The following GREB1 variants were observed in gnomAD, a reference collection of about 807,000 sequenced individuals.
GREB1 encodes protein GREB1.
A neutral mutation model predicts 200.7 loss-of-function variants in GREB1; 106 were observed. The observed-to-expected ratio is 0.53, with a 90% CI of 0.45 to 0.62. The LOEUF is 0.62. GREB1 is among the 20% of genes least tolerant of loss of function. The pLI, the probability that GREB1 is intolerant of heterozygous loss-of-function variation, is 0.00. For synonymous variants in GREB1, 1,132 were observed against 1,092.4 expected (o/e 1.04, Z -0.72); for missense variants, 2,243 against 2,556.8 (o/e 0.88, Z 2.65).
intron 23 of GREB1, 37 bp downstream of exon 23, chr2:11,621,044 C>A: frequency 9.2e-7 from 1 of 1,092,808 alleles, no homozygotes; most frequent in Non-Finnish European, 1.4e-6. Context: ...GGCTTGGAGC[C>A]ACCTTCATCA....
rs1245928004 is a variant in GREB1, at chr2:11,637,763, C to T, written c.5394C>T (p.Ala1798=). The T allele has an allele frequency of 2.5e-6, 4 of 1,613,850 alleles. No individual in the cohort carries two copies. Among genetic ancestry groups the T allele is most frequent in the Admixed American group, 1.7e-5 (1 of 60,012 alleles). The change falls in exon 31 of 33, where the codon GCC becomes GCT. Residue 1798 remains alanine, a synonymous_variant. Coordinates refer to ENST00000381486, the MANE Select transcript of GREB1 (RefSeq NM_014668.4). ...TCGTGCCGGCCCAGTACATCTGTGC[C>T]CCGGACAGCAAGCACACGTTCCTCG... ...AAVVPAQYIC[A]PDSKHTFLAA...
chr2:11,609,217 CT>C (rs1682684594), intron 17 of GREB1, among the ~76,000 whole-genome samples: 1 of 151,418 alleles, frequency 6.6e-6, no homozygotes, highest in South Asian at 2.1e-4. Flanking sequence ...ACTGCACTTT[CT>C]TTCTTTCTTC....
intron 15 of GREB1, among the ~76,000 whole-genome samples, chr2:11,599,151 G>A (rs1342426817): frequency 1.3e-5 from 2 of 152,118 alleles, no homozygotes; most frequent in African/African-American, 2.4e-5. Flanking sequence ...TAGTGGCAGA[G>A]CTGAGACCCC....
intron 17 of GREB1, among the ~76,000 whole-genome samples, chr2:11,609,666 A>T (rs1682741642): frequency 1.3e-5 from 2 of 152,084 alleles, no homozygotes; most frequent in South Asian, 4.2e-4. Context: ...AGCTTATGTG[A>T]CCTGCGTAGT....
At chr2:11,545,994 A>G (rs1449485491) in intron 1 of GREB1, among the ~76,000 whole-genome samples, 5 of 152,128 alleles carry the variant, frequency 3.3e-5, no homozygotes, top group Admixed American at 2.0e-4. Flanking sequence ...CCTGACCAAC[A>G]TGGAGAAACC....
At chr2:11,565,895 T>C (rs1479403706) in intron 3 of GREB1, among the ~76,000 whole-genome samples, 1 of 152,216 alleles carries the variant, frequency 6.6e-6, no homozygotes. Context: ...ATCTTGTTTA[T>C]GTTTCCGTTT....
intron 4 of GREB1, among the ~76,000 whole-genome samples, chr2:11,575,726 G>A (rs151246451): frequency 2.4e-4 from 36 of 152,298 alleles, no homozygotes; most frequent in South Asian, 6.2e-4. Context: ...ACTCTTAGGA[G>A]GTCTCCCAGT....
Position 11,597,974 on chromosome 2 carries a change from T to C in GREB1, c.2148T>C (p.His716=), listed in dbSNP as rs2148221683. 1.9e-6 allele frequency: 3 copies of C among 1,612,188 alleles called. No homozygotes were observed. The East Asian group carries it at 6.7e-5, about 36-fold the overall frequency. ...AGCAGACTCTGCTCCATGTGTGGCA[T>C]TCAGGTATGGGGCATTTTGGGGAGA... ...TYQQTLLHVW[H]SGVLLELGLK... Residue 716 remains histidine, a synonymous_variant, in exon 14 of 33, where the codon CAT becomes CAC. Transcript: ENST00000381486. The surrounding 1 kb of genome is among the most constrained non-coding windows in gnomAD (Gnocchi z 4.1).
chr2:11,495,306 C>G (rs2148412991), intron 1 of GREB1, among the ~76,000 whole-genome samples: 1 of 152,278 alleles, frequency 6.6e-6, no homozygotes, highest in African/African-American at 2.4e-5. Flanking sequence ...GATACACATT[C>G]TACAGATGTG....
chr2:11,582,555 CT>C (rs1012548967), intron 7 of GREB1, among the ~76,000 whole-genome samples: 75 of 152,364 alleles, frequency 4.9e-4, no homozygotes, highest in African/African-American at 1.8e-3. Flanking sequence ...GGAGGGCCCC[CT>C]GTGAGCTCAC....
In GREB1 at chr2:11,576,488, C is replaced by T. The variant is rs868308518; in HGVS notation, c.590C>T (p.Ala197Val). The change falls in exon 5 of 33, where the codon GCA becomes GTA. Residue 197 changes from alanine to valine, a missense_variant. Transcript: ENST00000381486. Reference protein sequence around the residue: ...KHLKYYLVRNAQGTLTKGPLI... With the variant: ...KHLKYYLVRNVQGTLTKGPLI... ...TTGAAGTATTACCTGGTCCGTAATGCACAAGGGACTCTAACCAAAGGACCT... is the reference window on the plus strand; with the variant it reads ...TTGAAGTATTACCTGGTCCGTAATGTACAAGGGACTCTAACCAAAGGACCT... 4 of 1,613,832 alleles carry T rather than the reference C, an allele frequency of 2.5e-6. No individual in the cohort carries two copies. The highest frequency in any genetic ancestry group is 1.3e-5 in the African/African-American group (1 of 74,902).
intron 1 of GREB1, among the ~76,000 whole-genome samples, chr2:11,515,020 A>C (rs1572573641): frequency 1.4e-5 from 2 of 145,254 alleles, no homozygotes; most frequent in South Asian, 2.2e-4. Context: ...CTCTTCCCCC[A>C]CCTGACCATC....
Position 11,634,359 on chromosome 2 carries a change from T to C in GREB1, c.5210+10T>C. 1.2e-6 allele frequency: 2 copies of C among 1,603,700 alleles called. No homozygotes were observed. The highest frequency in any genetic ancestry group is 1.3e-5 in the African/African-American group (1 of 74,802). On this transcript the variant is annotated intron_variant, in intron 29 of 32. Coordinates refer to ENST00000381486, the MANE Select transcript of GREB1 (RefSeq NM_014668.4). ...AGTACAACCAGAACCGGTGAGCTCC[T>C]GCACCTGGGGCAGAGGCGGCGGCAG...
chr2:11,506,037 GC>G (rs1673174787), intron 1 of GREB1, among the ~76,000 whole-genome samples: 1 of 152,180 alleles, frequency 6.6e-6, no homozygotes, highest in Non-Finnish European at 1.5e-5. Context: ...GAGCGACAGG[GC>G]TGGGTATCAA....
chr2:11,559,257 C>T (rs954848407), intron 2 of GREB1, among the ~76,000 whole-genome samples: 1 of 152,208 alleles, frequency 6.6e-6, no homozygotes, highest in Non-Finnish European at 1.5e-5. Flanking sequence ...TTAGAGCTCT[C>T]GTCCTGCCAG....
At chr2:11,578,011 G>A (rs549968442) in intron 5 of GREB1, among the ~76,000 whole-genome samples, 42 of 152,298 alleles carry the variant, frequency 2.8e-4, no homozygotes, top group African/African-American at 9.6e-4. Flanking sequence ...CTATGGCTAC[G>A]GGTAGCTGTA....
chr2:11,544,328 T>G (rs1675045502), intron 1 of GREB1, among the ~76,000 whole-genome samples: 1 of 152,122 alleles, frequency 6.6e-6, no homozygotes, highest in Non-Finnish European at 1.5e-5. Context: ...GCCATTCTCC[T>G]GCCTCAGTAT....
At chr2:11,622,280 C>T (rs1303312496) in intron 23 of GREB1, among the ~76,000 whole-genome samples, 1 of 152,122 alleles carries the variant, frequency 6.6e-6, no homozygotes, top group Non-Finnish European at 1.5e-5. Flanking sequence ...AGGGTTTCAC[C>T]ATGTTGGCCA....
Position 11,580,019 on chromosome 2 carries a change from G to A in GREB1, c.773-685G>A. Among the ~76,000 whole-genome samples, 2 of 152,176 alleles carry A rather than the reference G, an allele frequency of 1.3e-5. No individual in the cohort carries two copies. The highest frequency in any genetic ancestry group is 3.8e-4 in the East Asian group (2 of 5,196). ...TGGAGGCCTCACAATCATGGCAAAA[G>A]GCAAAGGAGAAGCAAAGGCACGTCT... On this transcript the variant is annotated intron_variant, in intron 6 of 32. Transcript: ENST00000381486. This position sits in a 1 kb window ranked among gnomAD's most constrained non-coding sequence, Gnocchi z 4.5.
Sources: allele counts gnomAD v4.1 joint callset (sites outside exome capture counted in the v4.1 genomes callset), GRCh38; gene constraint gnomAD v4.1.1; non-coding constraint Gnocchi (gnomAD v3.1); transcripts MANE v1.5; gene names NCBI Gene and HGNC (gene_info 2026-07-23, HGNC 2026-07-21).